Variants in KANK1 observed in about 807,000 individuals in gnomAD.
KANK1 encodes the protein KN motif and ankyrin repeat domain-containing protein 1.
A neutral mutation model predicts 106.2 loss-of-function variants in KANK1; 109 were observed. The observed-to-expected ratio is 1.03, with a 90% CI of 0.88 to 1.20. The LOEUF (loss-of-function observed/expected upper bound fraction) is 1.20. Among genes scored for constraint, KANK1 ranks in the 50% most tolerant of loss-of-function variants. The probability of loss-of-function intolerance (pLI) is 0.00; values close to 1 mark genes in which losing one functional copy is unlikely to be tolerated. For synonymous variants in KANK1, 873 were observed against 652.2 expected, an observed-to-expected ratio of 1.34 and a Z score of -5.16; for missense variants, 2,399 against 1,710.7, an observed-to-expected ratio of 1.40 and a Z score of -7.10.
chr9:495,049 G>C (rs1430946107), intron 3 of KANK1, among the ~76,000 whole-genome samples: 2 of 152,194 alleles, frequency 1.3e-5, no homozygotes, highest in African/African-American at 4.8e-5. Context: ...TACTTGTTTA[G>C]ATAATAACTT....
rs564677585 is a variant in KANK1 at position 506,907 on chromosome 9, C to G, written c.-84+2153C>G. On this transcript the variant is annotated intron_variant, in intron 1 of 11. Transcript: ENST00000382297. ...GGAATAACTATAGGGTGAGCAGATT[C>G]TGAAAGAGCAGAGTGGGTCTGTGAA... Among the ~76,000 whole-genome samples the G allele has an allele frequency of 4.6e-5, 7 of 152,270 alleles. No homozygotes were observed. In the South Asian group the frequency reaches 1.2e-3, roughly 27 times the overall value.
intron 1 of KANK1, among the ~76,000 whole-genome samples, chr9:509,570 A>G (rs1478268245): frequency 6.6e-6 from 1 of 152,224 alleles, no homozygotes; most frequent in Non-Finnish European, 1.5e-5. Flanking sequence ...ATCCCTGCAT[A>G]TGCCTAAGGA....
At chr9:706,784 A>C in intron 2 of KANK1, 1 of 985,446 alleles carries the variant, frequency 1.0e-6, no homozygotes. Flanking sequence ...GGATCCTGAG[A>C]ACCCGCAGAG....
At chr9:672,482 G>A (rs190044127) in intron 1 of KANK1, among the ~76,000 whole-genome samples, 11 of 152,186 alleles carry the variant, frequency 7.2e-5, no homozygotes, top group Non-Finnish European at 1.6e-4. Flanking sequence ...CACTTTGGGT[G>A]ACATTTTATA....
chr9:658,799 C>T (rs533892510), intron 1 of KANK1, among the ~76,000 whole-genome samples: 10 of 152,214 alleles, frequency 6.6e-5, no homozygotes, highest in Admixed American at 2.6e-4. Flanking sequence ...ATAGGCACAT[C>T]TGTGTGGGTC....
At chr9:518,223 A>G (rs946727783) in intron 1 of KANK1, among the ~76,000 whole-genome samples, 2 of 151,866 alleles carry the variant, frequency 1.3e-5, no homozygotes, top group Non-Finnish European at 1.5e-5. Context: ...GAAGTGTTGT[A>G]AACCTCTGAC....
intron 1 of KANK1, among the ~76,000 whole-genome samples, chr9:660,502 C>G (rs1044191610): frequency 6.6e-6 from 1 of 152,146 alleles, no homozygotes; most frequent in East Asian, 1.9e-4. Flanking sequence ...AAGAGCCATG[C>G]TGTCTAGTCT....
intron 1 of KANK1, among the ~76,000 whole-genome samples, chr9:642,550 G>T (rs76606627): frequency 0.014 from 2,103 of 150,826 alleles, 216 homozygotes; most frequent in African/African-American, 0.049. Flanking sequence ...AAAAATTCTT[G>T]GTTCTTGGAC....
intron 1 of KANK1, among the ~76,000 whole-genome samples, chr9:632,061 G>A (rs559816050): frequency 7.9e-5 from 12 of 152,270 alleles, no homozygotes; most frequent in Admixed American, 3.3e-4. Flanking sequence ...GTAGCATTGT[G>A]TCTAGCCTTT....
At chr9:705,206 C>G (rs959970958) in intron 2 of KANK1, among the ~76,000 whole-genome samples, 1 of 152,104 alleles carries the variant, frequency 6.6e-6, no homozygotes, top group African/African-American at 2.4e-5. Flanking sequence ...ATTCTGTTGG[C>G]CAGGCACAGT....
intron 2 of KANK1, among the ~76,000 whole-genome samples, chr9:710,020 A>G (rs1825491097): frequency 6.6e-6 from 1 of 152,196 alleles, no homozygotes; most frequent in Non-Finnish European, 1.5e-5. Flanking sequence ...ATAAAGATGG[A>G]AAAAGATGGA....
chr9:600,850 G>A (rs796553182), intron 1 of KANK1, among the ~76,000 whole-genome samples: 7 of 151,912 alleles, frequency 4.6e-5, no homozygotes, highest in East Asian at 3.9e-4. Context: ...TTGCTAACAT[G>A]TTCTAAAGTT....
At chr9:710,690 G>A (rs1225630963) in intron 2 of KANK1, 114 bp from the exon 3 acceptor site, 9 of 861,588 alleles carry the variant, frequency 1.0e-5, no homozygotes, top group African/African-American at 1.7e-5. Flanking sequence ...CAAAACATAG[G>A]TGTGTCAACT....
chr9:499,309 A>T (rs912947298), intron 3 of KANK1, among the ~76,000 whole-genome samples: 2 of 152,240 alleles, frequency 1.3e-5, no homozygotes, highest in Non-Finnish European at 2.9e-5. Flanking sequence ...AGCATTATTA[A>T]TAATAGCCCA....
chr9:712,536 CAA>C lies in KANK1; in HGVS notation c.1771_1772del (p.Lys591GlufsTer45), dbSNP rs1278421756. 3.1e-6 allele frequency: 5 copies of C among 1,614,016 alleles called. No homozygotes were observed. Among genetic ancestry groups the C allele is most frequent in the South Asian group, 2.2e-5 (2 of 91,078 alleles). On this transcript the variant is annotated frameshift_variant, in exon 3 of 12. Transcript: ENST00000382297. LOFTEE classifies it high-confidence loss of function. ...CTGGGAGGTCTGTGGAAATGTGTGA[CAA>C]GAGTGTGAGTGTGGAAGTCAGCGTC... ...CAGRSVEMCDKSVSVEVSVCE... is the reference protein window; with the variant it reads ...CAGRSVEMCDXSVSVEVSVCE...
At chr9:652,275 C>G (rs367647060) in intron 1 of KANK1, among the ~76,000 whole-genome samples, 4 of 152,262 alleles carry the variant, frequency 2.6e-5, no homozygotes, top group South Asian at 2.1e-4. Flanking sequence ...AATCCCAGCA[C>G]TTTGGGAGGC....
intron 1 of KANK1, among the ~76,000 whole-genome samples, chr9:560,779 GA>G (rs34890353): frequency 0.65 from 96,442 of 148,354 alleles, 32,880 homozygotes; most frequent in South Asian, 0.76. Flanking sequence ...CATCAGGATA[GA>G]AAAAAAAAAA....
chr9:669,204 T>C (rs982399847), intron 1 of KANK1, among the ~76,000 whole-genome samples: 1 of 152,220 alleles, frequency 6.6e-6, no homozygotes, highest in Non-Finnish European at 1.5e-5. Context: ...ATTTGTCTTC[T>C]AGGTGTCATA....
chr9:676,310 G>A (rs1042610876), intron 1 of KANK1, among the ~76,000 whole-genome samples: 3 of 152,136 alleles, frequency 2.0e-5, no homozygotes, highest in African/African-American at 7.2e-5. Flanking sequence ...TTATCCAACG[G>A]CACAGTGGGA....
Sources: gnomAD v4.1 joint callset for allele counts (sites outside exome capture counted in the v4.1 genomes callset) on GRCh38, gnomAD v4.1.1 for gene constraint, MANE v1.5 for transcripts, NCBI Gene and HGNC (gene_info 2026-07-23, HGNC 2026-07-21) for gene names.